The following ZNF398 variants were observed in gnomAD, a reference collection of about 807,000 sequenced individuals.
The protein encoded by ZNF398 is zinc finger protein 398, also known as zinc finger DNA binding protein ZER6.
In ZNF398, 18 loss-of-function variants were observed where a neutral mutation model predicts 41.9. The ratio of observed to expected loss-of-function variants is 0.43; its 90% CI spans 0.30 to 0.64. The LOEUF (loss-of-function observed/expected upper bound fraction) is 0.64, where lower values mean the gene tolerates loss of function less well. Among genes scored for constraint, ZNF398 ranks in the 30% least tolerant of loss-of-function variants. ZNF398 has a pLI of 0.14. For synonymous variants in ZNF398, 260 were observed against 308.8 expected (o/e 0.84, Z 1.66); for missense variants, 669 against 822.8 (o/e 0.81, Z 2.29).
At chr7:149,160,421 C>T (rs1287943786) in intron 2 of ZNF398, among the ~76,000 whole-genome samples, 1 of 151,712 alleles carries the variant, frequency 6.6e-6, no homozygotes, top group Admixed American at 6.5e-5. Flanking sequence ...GGATTCTCTT[C>T]TGCATATGGC....
intron 2 of ZNF398, among the ~76,000 whole-genome samples, chr7:149,155,698 TATATA>T (rs1487848310): frequency 1.4e-3 from 47 of 34,644 alleles, no homozygotes; most frequent in African/African-American, 3.0e-3. Context: ...TATATATATA[TATATA>T]TATATTTTTT....
At chr7:149,157,923 A>T (rs748215075) in intron 2 of ZNF398, among the ~76,000 whole-genome samples, 2 of 151,018 alleles carry the variant, frequency 1.3e-5, no homozygotes, top group African/African-American at 2.4e-5. Flanking sequence ...AGGCTGGGCC[A>T]GCGCCGTGGC....
intron 2 of ZNF398, among the ~76,000 whole-genome samples, chr7:149,162,897 A>T (rs1424984579): frequency 8.2e-6 from 1 of 122,292 alleles, no homozygotes; most frequent in African/African-American, 3.0e-5. Context: ...GGGTGGGGGG[A>T]GGGGGGCGGC....
Position 149,166,866 on chromosome 7 carries a change from G to A in ZNF398, c.597G>A (p.Gly199=). Residue 199 remains glycine, a synonymous_variant, in exon 4 of 6, where the codon GGG becomes GGA. Transcript: ENST00000475153. The part of the protein sequence containing the change: ...PDVLSQIQPE[G]EHNTEDQAGP... ...TCTTATCTCAGATTCAACCAGAAGGGGAACATAATACAGAGGACCAGGCAG... is the reference window on the plus strand; with the variant it reads ...TCTTATCTCAGATTCAACCAGAAGGAGAACATAATACAGAGGACCAGGCAG... 1 of 1,613,274 alleles carries A rather than the reference G, an allele frequency of 6.2e-7. No individual in the cohort carries two copies. Among genetic ancestry groups the A allele is most frequent in the Non-Finnish European group, 8.5e-7 (1 of 1,179,448 alleles).
chr7:149,148,768 G>C (rs1827028188), intron 1 of ZNF398, among the ~76,000 whole-genome samples: 1 of 151,646 alleles, frequency 6.6e-6, no homozygotes, highest in Non-Finnish European at 1.5e-5. Flanking sequence ...CCCCCAGGCC[G>C]CATGCGGACT....
chr7:149,145,942 CTTTTTTTTT>C (rs34950278), upstream of ZNF398, among the ~76,000 whole-genome samples: 36 of 103,104 alleles, frequency 3.5e-4, no homozygotes, highest in East Asian at 0.011. Flanking sequence ...CTCGCAGGTC[CTTTTTTTTT>C]TTTTTTTTTT....
intron 4 of ZNF398, among the ~76,000 whole-genome samples, chr7:149,173,093 ATTTTTTT>A (rs71192762): frequency 1.2e-4 from 8 of 64,958 alleles, no homozygotes; most frequent in Admixed American, 2.3e-4. Context: ...GGCAATTTCT[ATTTTTTT>A]TTTTTTTTTT....
intron 2 of ZNF398, among the ~76,000 whole-genome samples, chr7:149,158,833 CAAAA>C (rs11285758): frequency 9.0e-6 from 1 of 110,912 alleles, no homozygotes; most frequent in Non-Finnish European, 1.8e-5. Flanking sequence ...AACACCGTTT[CAAAA>C]AAAAAAAAAA....
intron 2 of ZNF398, among the ~76,000 whole-genome samples, chr7:149,130,025 C>T (rs9791919): frequency 0.54 from 81,697 of 151,750 alleles, 25,463 homozygotes; most frequent in East Asian, 0.9. Flanking sequence ...TCTCGAACTC[C>T]CAACCTCAGG....
At position 149,181,367 on chromosome 7, in the gene ZNF398, A is replaced by G. The variant is rs570709161; in HGVS notation, c.*1566A>G. The G allele has an allele frequency of 6.6e-6, 1 of 152,366 alleles. No homozygotes were observed. Among genetic ancestry groups the G allele is most frequent in the South Asian group, 2.1e-4 (1 of 4,830 alleles). 9.4% of individuals were successfully genotyped at this position (152,366 alleles called of 1,614,324 possible). ...AATCCTGAGGTAGAAGACAGAATGC[A>G]GAAGTCTTACATCTTGGGCAGGAAA... is the stretch of plus-strand genomic sequence containing the variant. On this transcript the variant is annotated 3_prime_UTR_variant, in exon 6 of 6. Transcript: ENST00000475153.
Position 149,170,324 on chromosome 7 carries a change from G to A in ZNF398, c.661+3394G>A, listed in dbSNP as rs199508296. ...TATATAGTATAGCCTATTGCTTCTA[G>A]GCTACAAACTTGTACAGCATATTAT... On this transcript the variant is annotated intron_variant, in intron 4 of 5. Transcript: ENST00000475153. Among the ~76,000 whole-genome samples the A allele has an allele frequency of 2.0e-5, 3 of 152,164 alleles. No individual in the cohort carries two copies. In the East Asian group the frequency reaches 5.8e-4, roughly 29 times the overall value.
chr7:149,154,621 C>T (rs966804025), intron 2 of ZNF398, among the ~76,000 whole-genome samples: 2 of 152,092 alleles, frequency 1.3e-5, no homozygotes, highest in African/African-American at 4.8e-5. Flanking sequence ...GTTTCTCCTA[C>T]CCATTACCCA....
chr7:149,139,897 C>T (rs1369215256), intron 2 of ZNF398, among the ~76,000 whole-genome samples: 1 of 150,684 alleles, frequency 6.6e-6, no homozygotes, highest in African/African-American at 2.4e-5. Context: ...CCCAGCTCTA[C>T]TCAGGAGGCT....
intron 2 of ZNF398, among the ~76,000 whole-genome samples, chr7:149,157,726 T>C (rs764676900): frequency 6.7e-6 from 1 of 150,308 alleles, no homozygotes; most frequent in Non-Finnish European, 1.5e-5. Flanking sequence ...TAGTCCCAGC[T>C]ACTTGGGAGG....
chr7:149,175,872 G>A (rs1795450888), intron 4 of ZNF398, among the ~76,000 whole-genome samples: 1 of 151,966 alleles, frequency 6.6e-6, no homozygotes, highest in South Asian at 2.1e-4. Flanking sequence ...TTTTAGTAGA[G>A]ACAGGGTTTT....
At chr7:149,127,399 A>G (rs1244287843) in intron 1 of ZNF398, among the ~76,000 whole-genome samples, 2 of 151,924 alleles carry the variant, frequency 1.3e-5, no homozygotes, top group Non-Finnish European at 2.9e-5. Context: ...TAAAAAAAAA[A>G]AACCTTACAT....
chr7:149,128,288 G>A (rs759543437), intron 1 of ZNF398, among the ~76,000 whole-genome samples: 2 of 152,142 alleles, frequency 1.3e-5, no homozygotes, highest in Non-Finnish European at 1.5e-5. Flanking sequence ...CAGGTCACAG[G>A]CGGATTCAGC....
chr7:149,166,185 A>G lies in ZNF398; in HGVS notation c.448A>G (p.Ile150Val), dbSNP rs1387256142. 9 of 1,613,996 alleles carry G rather than the reference A, an allele frequency of 5.6e-6. No homozygotes were observed. The highest frequency in any genetic ancestry group is 6.8e-6 in the Non-Finnish European group (8 of 1,180,008). Residue 150 changes from isoleucine to valine, a missense_variant, in exon 3 of 6, where the codon ATC (isoleucine) becomes GTC (valine). By Grantham distance (29) the Ile-to-Val change is conservative. This residue lies in a region of ZNF398 where 169 missense variants were observed against 239.5 expected (regional missense o/e 0.71). Coordinates refer to ENST00000475153, the MANE Select transcript of ZNF398 (RefSeq NM_170686.3). ...KVPVAFDDVS[I>V]YFSTPEWEKL... ...GCCTGTGGCATTTGATGATGTCTCC[A>G]TCTACTTTTCCACTCCAGAGTGGGA...
chr7:149,167,750 A>G (rs969374360), intron 4 of ZNF398, among the ~76,000 whole-genome samples: 3 of 147,576 alleles, frequency 2.0e-5, no homozygotes, highest in African/African-American at 7.6e-5. Context: ...AGCTGGGACT[A>G]CAGGCGCCCG....
Sources: allele counts gnomAD v4.1 joint callset (sites outside exome capture counted in the v4.1 genomes callset), GRCh38; gene constraint gnomAD v4.1.1; regional missense constraint gnomAD v4.1.1; transcripts MANE v1.5; gene names NCBI Gene and HGNC (gene_info 2026-07-23, HGNC 2026-07-21).